Variants in FBXL13 observed in about 807,000 individuals in gnomAD.
FBXL13 encodes the protein F-box and leucine-rich repeat protein 13.
Under a neutral mutation model 83.6 loss-of-function variants are expected in FBXL13, and 67 were observed. That is an observed-to-expected ratio of 0.80 (90% CI 0.66 to 0.98). The LOEUF (loss-of-function observed/expected upper bound fraction) is 0.98. FBXL13 is among the 50% of genes least tolerant of loss of function. FBXL13 has a pLI of 0.00. For missense variants in FBXL13, 822 were observed against 866.5 expected, an observed-to-expected ratio of 0.95 and a Z score of 0.64; for synonymous variants, 272 against 299.5, an observed-to-expected ratio of 0.91 and a Z score of 0.95.
chr7:102,932,142 G>C (rs1262597877), intron 8 of FBXL13, among the ~76,000 whole-genome samples: 1 of 152,134 alleles, frequency 6.6e-6, no homozygotes, highest in Non-Finnish European at 1.5e-5. Flanking sequence ...ATTATTGTTT[G>C]AGGATTATAG....
chr7:102,825,406 G>A (rs115356195), intron 18 of FBXL13, among the ~76,000 whole-genome samples: 1,655 of 152,246 alleles, frequency 0.011, 35 homozygotes, highest in African/African-American at 0.038. Flanking sequence ...GATTCCCTGC[G>A]TTGCCTTGGA....
intron 2 of FBXL13, 27 bp from the exon 4 acceptor site, chr7:103,029,445 C>A: frequency 7.8e-7 from 1 of 1,284,504 alleles, no homozygotes; most frequent in East Asian, 2.8e-5. Flanking sequence ...ATTGAAATAA[C>A]AAATATTAGA....
At chr7:103,045,238 T>G (rs1307088770) in intron 2 of FBXL13, among the ~76,000 whole-genome samples, 1 of 152,242 alleles carries the variant, frequency 6.6e-6, no homozygotes, top group African/African-American at 2.4e-5. Flanking sequence ...GAAGTATGGC[T>G]GCTGGGATTG....
chr7:102,984,118 CTA>C (rs1463149439), intron 6 of FBXL13, among the ~76,000 whole-genome samples: 1 of 152,160 alleles, frequency 6.6e-6, no homozygotes, highest in African/African-American at 2.4e-5. Context: ...TGGCATATCT[CTA>C]TTGCCAGATA....
intron 11 of FBXL13, among the ~76,000 whole-genome samples, chr7:102,911,495 T>C (rs1024780063): frequency 2.6e-5 from 4 of 152,152 alleles, no homozygotes; most frequent in South Asian, 2.1e-4. Context: ...GATTGGGCCA[T>C]TGGCATTTGC....
chr7:102,898,148 C>A (rs1241381366), intron 11 of FBXL13, among the ~76,000 whole-genome samples: 1 of 152,012 alleles, frequency 6.6e-6, no homozygotes, highest in Non-Finnish European at 1.5e-5. Context: ...CACCTGACAA[C>A]CCAGCCACTC....
intron 8 of FBXL13, among the ~76,000 whole-genome samples, chr7:102,951,805 CAAAAAA>C (rs5886239): frequency 1.1e-5 from 1 of 88,100 alleles, no homozygotes. Flanking sequence ...ACTCTCTCTC[CAAAAAA>C]AAAAAAAAAA....
intron 6 of FBXL13, among the ~76,000 whole-genome samples, chr7:103,018,334 C>A (rs200165202): frequency 6.6e-6 from 1 of 152,012 alleles, no homozygotes; most frequent in Non-Finnish European, 1.5e-5. Flanking sequence ...GCACTAAACA[C>A]GGAAAGGAAC....
chr7:102,833,064 T>G, intron 17 of FBXL13, 90 bp from the exon 19 acceptor site: 3 of 1,353,724 alleles, frequency 2.2e-6, no homozygotes, highest in Non-Finnish European at 2.0e-6. Context: ...TACATTTCAG[T>G]CCCTGAAATA....
At chr7:102,916,006 C>T (rs528420336) in intron 10 of FBXL13, among the ~76,000 whole-genome samples, 12 of 149,282 alleles carry the variant, frequency 8.0e-5, no homozygotes, top group African/African-American at 1.5e-4. Context: ...TTGTTTGAGA[C>T]GGAGTCTCAC....
intron 11 of FBXL13, among the ~76,000 whole-genome samples, chr7:102,911,661 T>G (rs1257973883): frequency 1.3e-5 from 2 of 152,174 alleles, no homozygotes; most frequent in Non-Finnish European, 2.9e-5. Context: ...AAAAGACATC[T>G]CAAAGTAGGC....
In FBXL13 at chr7:102,867,379, AC is replaced by A. The variant is rs1456206190; in HGVS notation, c.1635+10087del. Among the ~76,000 whole-genome samples the A allele has an allele frequency of 6.9e-5, 10 of 144,066 alleles. No homozygotes were observed. In the East Asian group the frequency reaches 2.4e-3, roughly 35 times the overall value. The allele number at this position is 144,066 out of a possible 152,430, so 94.5% of individuals were successfully genotyped here. On this transcript the variant is annotated intron_variant, in intron 16 of 19. Transcript: ENST00000313221. ...TATCCAAAAAAACCCAAACAAACAA[AC>A]AAAAAAAAAGAAGAATTTACTAGGT... is the stretch of plus-strand genomic sequence containing the variant.
At chr7:103,019,261 T>C (rs905630431) in intron 6 of FBXL13, among the ~76,000 whole-genome samples, 1 of 152,214 alleles carries the variant, frequency 6.6e-6, no homozygotes, top group Non-Finnish European at 1.5e-5. Context: ...AACAAAGATG[T>C]TCTTTGAAAC....
rs1562925939 is a variant in FBXL13, at chr7:102,834,091, AAAG to A, written c.1720-1120_1720-1118del. On this transcript the variant is annotated intron_variant, in intron 17 of 19. Coordinates refer to ENST00000313221, the Ensembl canonical transcript of FBXL13. Reference sequence around the variant, plus strand: ...AAGGAAGGAAGGAAGGAAAGAAAAGAAAGAAAGAAAGAAAGAAAGAAAGAAAGA... The same window carrying A: ...AAGGAAGGAAGGAAGGAAAGAAAAGAAAAGAAAGAAAGAAAGAAAGAAAGA... Among the ~76,000 whole-genome samples the A allele has an allele frequency of 5.4e-3, 411 of 76,202 alleles. 1 individual carries two copies. Among genetic ancestry groups the A allele is most frequent in the Middle Eastern group, 6.3e-3 (1 of 158 alleles). 50.0% of individuals were successfully genotyped at this position (76,202 alleles called of 152,430 possible).
chr7:102,912,050 T>C (rs1461335513), intron 11 of FBXL13, among the ~76,000 whole-genome samples: 1 of 152,136 alleles, frequency 6.6e-6, no homozygotes. Flanking sequence ...TATTTCCCAC[T>C]ATCCCAGGGA....
chr7:102,968,112 GA>G lies in FBXL13; in HGVS notation c.500del (p.Phe167SerfsTer6). The G allele has an allele frequency of 6.2e-7, 1 of 1,608,138 alleles. No individual in the cohort carries two copies. Among genetic ancestry groups the G allele is most frequent in the Non-Finnish European group, 8.5e-7 (1 of 1,175,764 alleles). On this transcript the variant is annotated frameshift_variant, in exon 7 of 20. Transcript: ENST00000313221. LOFTEE classifies it high-confidence loss of function. The stretch of plus-strand genomic sequence containing the variant: ...TCACATCTTTTAAACTGAGGTAGAA[GA>G]AAATCTAAACACAAAGAAAAATACA...
chr7:103,070,513 A>C (rs1418183415), intron 1 of FBXL13, among the ~76,000 whole-genome samples: 1 of 152,206 alleles, frequency 6.6e-6, no homozygotes, highest in Non-Finnish European at 1.5e-5. Flanking sequence ...ACAAACAATA[A>C]TTTTAAAATA....
chr7:102,955,880 G>C (rs1013844663), intron 8 of FBXL13, among the ~76,000 whole-genome samples: 5 of 152,076 alleles, frequency 3.3e-5, no homozygotes, highest in Non-Finnish European at 7.4e-5. Flanking sequence ...CTGAAATTGA[G>C]GCAATAATTA....
chr7:103,056,205 T>C (rs1797315376), intron 1 of FBXL13, among the ~76,000 whole-genome samples: 1 of 152,208 alleles, frequency 6.6e-6, no homozygotes. Context: ...GGCTGAGTCA[T>C]ATTGCATCAT....
Sources: gnomAD v4.1 joint callset for allele counts (sites outside exome capture counted in the v4.1 genomes callset) on GRCh38, gnomAD v4.1.1 for gene constraint, MANE v1.5 for transcripts, NCBI Gene and HGNC (gene_info 2026-07-23, HGNC 2026-07-21) for gene names.